Variants in ADAM19 observed in about 807,000 individuals in gnomAD.
ADAM19 encodes the protein disintegrin and metalloproteinase domain-containing protein 19.
Under a neutral mutation model 114.7 loss-of-function variants are expected in ADAM19, and 65 were observed. The ratio of observed to expected loss-of-function variants is 0.57; its 90% confidence interval spans 0.46 to 0.70. ADAM19 has a LOEUF of 0.70. ADAM19 is among the 30% of genes least tolerant of loss of function. ADAM19 has a pLI of 0.00. For synonymous variants in ADAM19, 466 were observed against 460.5 expected (o/e 1.01, Z -0.15); for missense variants, 1,063 against 1,204.7 (o/e 0.88, Z 1.74).
intron 2 of ADAM19, chr5:157,568,341 A>G (rs929698506): frequency 2.0e-5 from 3 of 152,222 alleles, no homozygotes; most frequent in African/African-American, 7.2e-5. Context: ...GAAGGTGCTC[A>G]GGCACTGATA....
At chr5:157,508,565 A>T (rs1319348257) in intron 9 of ADAM19, among the ~76,000 whole-genome samples, 1 of 151,940 alleles carries the variant, frequency 6.6e-6, no homozygotes, top group Non-Finnish European at 1.5e-5. Flanking sequence ...ACGCTACTGC[A>T]CTCCAGCCTA....
At chr5:157,525,737 G>A (rs915617259) in intron 5 of ADAM19, among the ~76,000 whole-genome samples, 23 of 152,310 alleles carry the variant, frequency 1.5e-4, no homozygotes, top group South Asian at 1.0e-3. Context: ...GATCTTAAAC[G>A]TGGATCCCTT....
intron 2 of ADAM19, 81 bp from the exon 3 acceptor site, chr5:157,564,524 G>A (rs1757599238): frequency 1.4e-5 from 16 of 1,161,712 alleles, no homozygotes; most frequent in Middle Eastern, 2.2e-4. Flanking sequence ...CTAGCACAGC[G>A]CTCCAACATT....
At chr5:157,511,124 A>G (rs1010593023) in intron 8 of ADAM19, among the ~76,000 whole-genome samples, 1 of 152,180 alleles carries the variant, frequency 6.6e-6, no homozygotes, top group South Asian at 2.1e-4. Flanking sequence ...TTAAAGCTAA[A>G]CCACTGGAAG....
chr5:157,556,194 T>C (rs76847782), intron 3 of ADAM19, among the ~76,000 whole-genome samples: 1 of 131,390 alleles, frequency 7.6e-6, no homozygotes, highest in Non-Finnish European at 1.7e-5. Context: ...TTATAACCTG[T>C]TTTTTTTTCT....
chr5:157,570,710 T>G (rs1757795527), intron 2 of ADAM19, 185 bp downstream of exon 2: 2 of 553,902 alleles, frequency 3.6e-6, no homozygotes, highest in Non-Finnish European at 3.2e-6. Context: ...TTGGGAAGTG[T>G]TCTAGAAGTT....
chr5:157,537,850 G>A (rs1756806896), intron 4 of ADAM19, 63 bp downstream of exon 4: 3 of 1,449,978 alleles, frequency 2.1e-6, no homozygotes, highest in Non-Finnish European at 2.9e-6. Flanking sequence ...CATCTCCTGA[G>A]GTCCTAGGAG....
At chr5:157,571,003 C>A in intron 1 of ADAM19, 23 bp from the exon 2 acceptor site, 1 of 1,609,764 alleles carries the variant, frequency 6.2e-7, no homozygotes, top group South Asian at 1.1e-5. Flanking sequence ...GATGCAAAAC[C>A]ATTGGAATCC....
intron 11 of ADAM19, among the ~76,000 whole-genome samples, chr5:157,505,295 G>A (rs1755705636): frequency 6.6e-6 from 1 of 152,062 alleles, no homozygotes; most frequent in Non-Finnish European, 1.5e-5. Context: ...GCCTGGAATT[G>A]AAACAGCACT....
intron 3 of ADAM19, among the ~76,000 whole-genome samples, chr5:157,560,935 C>G (rs1374085872): frequency 1.3e-5 from 2 of 152,246 alleles, no homozygotes; most frequent in African/African-American, 4.8e-5. Context: ...TTCACCTGTA[C>G]CATCTCATTT....
At chr5:157,520,720 T>C (rs1007369443) in intron 5 of ADAM19, among the ~76,000 whole-genome samples, 2 of 152,242 alleles carry the variant, frequency 1.3e-5, no homozygotes, top group Non-Finnish European at 2.9e-5. Flanking sequence ...GCATCAGTGA[T>C]GACACGCCTA....
intron 21 of ADAM19, among the ~76,000 whole-genome samples, chr5:157,484,204 C>A (rs866258905): frequency 2.6e-5 from 4 of 152,248 alleles, no homozygotes; most frequent in Middle Eastern, 3.4e-3. Context: ...TATACCTCTT[C>A]TTTTCTTTTC....
intron 8 of ADAM19, among the ~76,000 whole-genome samples, chr5:157,511,478 C>T (rs1258421124): frequency 2.0e-5 from 3 of 152,306 alleles, no homozygotes; most frequent in East Asian, 1.9e-4. Flanking sequence ...ATAATCCACT[C>T]GCTCCAAGAA....
Position 157,571,871 on chromosome 5 carries a change from C to CA in ADAM19, c.95-892dup, listed in dbSNP as rs1757836498. Among the ~76,000 whole-genome samples the CA allele has an allele frequency of 5.9e-5, 9 of 152,280 alleles. No individual in the cohort carries two copies. The South Asian group carries it at 1.9e-3, about 32-fold the overall frequency. Reference sequence around the variant, plus strand: ...AGTTTTCTTGCCTGTAAAATGAAGACAAAGATGCTACCTGCCCATCTCACA... The same window carrying CA: ...AGTTTTCTTGCCTGTAAAATGAAGACAAAAGATGCTACCTGCCCATCTCACA... On this transcript the variant is annotated intron_variant, in intron 1 of 22. Coordinates refer to ENST00000257527, the MANE Select transcript of ADAM19 (RefSeq NM_033274.5).
At chr5:157,501,099 T>C (rs933614897) in intron 12 of ADAM19, among the ~76,000 whole-genome samples, 1 of 152,178 alleles carries the variant, frequency 6.6e-6, no homozygotes, top group African/African-American at 2.4e-5. Context: ...CAGACACCTG[T>C]CCACCTGTCT....
At chr5:157,517,144 G>A (rs1756115597) in intron 7 of ADAM19, among the ~76,000 whole-genome samples, 1 of 152,172 alleles carries the variant, frequency 6.6e-6, no homozygotes, top group South Asian at 2.1e-4. Context: ...AACATCCAGT[G>A]ACTAACACTC....
chr5:157,517,191 C>G (rs11134789), intron 7 of ADAM19, among the ~76,000 whole-genome samples: 4 of 151,962 alleles, frequency 2.6e-5, no homozygotes, highest in African/African-American at 7.3e-5. Context: ...GCTCTCCCCA[C>G]CACCAGGCCC....
At position 157,491,929 on chromosome 5, in the gene ADAM19, C is replaced by T. The variant is rs373569980; in HGVS notation, c.1909-17G>A. The T allele has an allele frequency of 3.1e-6, 5 of 1,613,280 alleles. No individual in the cohort carries two copies. In the African/African-American group the frequency reaches 6.7e-5, roughly 22 times the overall value. On this transcript the variant is annotated splice_polypyrimidine_tract_variant and intron_variant, in intron 16 of 22. Transcript: ENST00000257527. ...AAAGCAAATCTGCACGGAGAGAAAA[C>T]AGAACGATCAGTGCAATGGGAGGGA... is the stretch of plus-strand genomic sequence containing the variant.
At chr5:157,509,208 A>G (rs1755837561) in intron 9 of ADAM19, 93 bp downstream of exon 9, 2 of 1,361,192 alleles carry the variant, frequency 1.5e-6, no homozygotes, top group Admixed American at 4.8e-5. Flanking sequence ...TTGTACAACC[A>G]ACACTCGCCA....
Sources: gnomAD v4.1 joint callset for allele counts (sites outside exome capture counted in the v4.1 genomes callset) on GRCh38, gnomAD v4.1.1 for gene constraint, MANE v1.5 for transcripts, NCBI Gene and HGNC (gene_info 2026-07-23, HGNC 2026-07-21) for gene names.